The following NTM variants were observed in gnomAD, a reference collection of about 807,000 sequenced individuals.
NTM encodes neurotrimin.
NTM carries 13 observed loss-of-function variants against 42.1 expected under a neutral mutation model. That is an observed-to-expected ratio of 0.31 (90% confidence interval 0.20 to 0.49). NTM has a LOEUF of 0.49. Ranked by LOEUF, NTM falls within the 20% of genes least tolerant of loss-of-function variation. The pLI is 0.99. For missense variants in NTM, 373 were observed against 452.8 expected (o/e 0.82, Z 1.60); for synonymous variants, 187 against 179.2 (o/e 1.04, Z -0.35).
intron 2 of NTM, among the ~76,000 whole-genome samples, chr11:132,060,596 C>T (rs2080503628): frequency 6.6e-6 from 1 of 152,192 alleles, no homozygotes; most frequent in Non-Finnish European, 1.5e-5. Context: ...ACTTTCGACT[C>T]TGTCACATGT....
intron 2 of NTM, among the ~76,000 whole-genome samples, chr11:132,039,415 A>ATTTTT (rs71475786): frequency 7.5e-6 from 1 of 133,240 alleles, no homozygotes. Flanking sequence ...GCCCCTCATA[A>ATTTTT]TTTTTTTTTT....
intron 7 of NTM, among the ~76,000 whole-genome samples, chr11:132,318,777 C>T (rs1399400704): frequency 6.6e-6 from 1 of 152,182 alleles, no homozygotes; most frequent in African/African-American, 2.4e-5. Flanking sequence ...CTCTCCCCAC[C>T]TCACCCCACC....
intron 7 of NTM, among the ~76,000 whole-genome samples, chr11:132,319,996 A>G (rs2095523930): frequency 6.6e-6 from 1 of 152,180 alleles, no homozygotes; most frequent in African/African-American, 2.4e-5. Context: ...GCTGATACCC[A>G]GGCAAACAGG....
At chr11:131,451,509 G>T (rs569899751) in intron 1 of NTM, among the ~76,000 whole-genome samples, 7 of 152,298 alleles carry the variant, frequency 4.6e-5, no homozygotes, top group African/African-American at 1.4e-4. Context: ...CTGGAAGGGG[G>T]TCCCATGCAG....
intron 1 of NTM, among the ~76,000 whole-genome samples, chr11:131,888,752 G>A (rs2050786758): frequency 6.6e-6 from 1 of 152,158 alleles, no homozygotes. Flanking sequence ...AGGGGGTAAA[G>A]GGAGCAGGAT....
At chr11:131,548,168 G>A (rs905016565) in intron 1 of NTM, among the ~76,000 whole-genome samples, 3 of 152,090 alleles carry the variant, frequency 2.0e-5, no homozygotes, top group African/African-American at 7.2e-5. Context: ...AGTAACACAG[G>A]GCTTAGATTT....
chr11:131,977,750 G>C (rs2064620973), intron 2 of NTM, among the ~76,000 whole-genome samples: 1 of 152,110 alleles, frequency 6.6e-6, no homozygotes. Flanking sequence ...ATCTGAAGGA[G>C]AAACCTTTGT....
intron 2 of NTM, among the ~76,000 whole-genome samples, chr11:132,048,337 T>A (rs181598952): frequency 4.6e-5 from 7 of 152,306 alleles, no homozygotes; most frequent in South Asian, 2.1e-4. Flanking sequence ...ATTTTGTAGT[T>A]TGTAAAGATC....
At chr11:132,241,736 T>C (rs528256747) in intron 4 of NTM, among the ~76,000 whole-genome samples, 54 of 152,346 alleles carry the variant, frequency 3.5e-4, no homozygotes, top group African/African-American at 1.3e-3. Flanking sequence ...TTAAAAGCTA[T>C]CGTGAAAGTG....
At chr11:132,131,296 C>A (rs1258723813) in intron 2 of NTM, among the ~76,000 whole-genome samples, 2 of 152,150 alleles carry the variant, frequency 1.3e-5, no homozygotes, top group Non-Finnish European at 2.9e-5. Flanking sequence ...CTCAGAGACA[C>A]CTGGTTTAGG....
chr11:131,371,902 G>A (rs996096498), intron 1 of NTM, among the ~76,000 whole-genome samples: 2 of 152,342 alleles, frequency 1.3e-5, no homozygotes, highest in African/African-American at 4.8e-5. Context: ...CCGGGAGGAG[G>A]AGCCCTCTCT....
intron 1 of NTM, among the ~76,000 whole-genome samples, chr11:131,590,926 C>T (rs1312115075): frequency 6.6e-6 from 1 of 152,166 alleles, no homozygotes; most frequent in Non-Finnish European, 1.5e-5. Context: ...ATCATTTGGG[C>T]AGTGCTCAGT....
intron 4 of NTM, among the ~76,000 whole-genome samples, chr11:132,277,861 C>CTGTT (rs1342062468): frequency 2.6e-5 from 4 of 152,152 alleles, no homozygotes; most frequent in African/African-American, 9.7e-5. Context: ...CTCTGTGCTA[C>CTGTT]TGTTTAATGA....
At chr11:132,192,880 C>T (rs1238091718) in intron 3 of NTM, among the ~76,000 whole-genome samples, 2 of 152,074 alleles carry the variant, frequency 1.3e-5, no homozygotes, top group Non-Finnish European at 2.9e-5. Context: ...AGATTTTAAA[C>T]CAAAGTTGGT....
intron 4 of NTM, among the ~76,000 whole-genome samples, chr11:132,218,269 C>T (rs575087278): frequency 6.6e-6 from 1 of 152,208 alleles, no homozygotes; most frequent in South Asian, 2.1e-4. Flanking sequence ...CACCAAAGGA[C>T]TGAGAAGAAA....
chr11:131,794,994 C>A lies in NTM; in HGVS notation c.83-116570C>A. On this transcript the variant is annotated intron_variant, in intron 1 of 8. Transcript: ENST00000683400. Reference sequence around the variant, plus strand: ...CACTGGAGGGGCAGCCTTGGGCAGGCTACAGAAGTACTCAGCCGTGCTCCT... The same window carrying A: ...CACTGGAGGGGCAGCCTTGGGCAGGATACAGAAGTACTCAGCCGTGCTCCT... The A allele has an allele frequency of 4.1e-6, 4 of 985,274 alleles. No individual in the cohort carries two copies. The South Asian group carries it at 1.9e-4, about 46-fold the overall frequency. The allele number at this position is 985,274 out of a possible 1,614,324, so 61.0% of individuals were successfully genotyped here. A position where few individuals can be genotyped will look rare whatever the true frequency, so the allele number is the denominator to read the frequency against.
chr11:131,976,116 A>ATTTCTTCCTTCC (rs1555201517), intron 2 of NTM, among the ~76,000 whole-genome samples: 46 of 123,872 alleles, frequency 3.7e-4, no homozygotes, highest in African/African-American at 1.4e-3. Flanking sequence ...TCCCTCCCTC[A>ATTTCTTCCTTCC]TTCCTTCCTT....
rs1591838682 is a variant in NTM at position 131,499,712 on chromosome 11, C to T, written c.82+128824C>T. 2.6e-5 allele frequency among the ~76,000 whole-genome samples: 4 copies of T among 152,238 alleles called. No individual in the cohort carries two copies. The South Asian group carries it at 8.3e-4, about 32-fold the overall frequency. On this transcript the variant is annotated intron_variant, in intron 1 of 8. Transcript: ENST00000683400. ...GCTAACAATTCTCCACCACACAGAC[C>T]TTCTCCAGTGTTATTAATACGCTAA...
At chr11:131,812,742 C>T (rs1222476851) in intron 1 of NTM, among the ~76,000 whole-genome samples, 3 of 152,084 alleles carry the variant, frequency 2.0e-5, no homozygotes, top group Non-Finnish European at 4.4e-5. Context: ...CTGAAGGGGA[C>T]TTGAAGGTAG....
Sources: gnomAD v4.1 joint callset for allele counts (sites outside exome capture counted in the v4.1 genomes callset) on GRCh38, gnomAD v4.1.1 for gene constraint, MANE v1.5 for transcripts, NCBI Gene and HGNC (gene_info 2026-07-23, HGNC 2026-07-21) for gene names.